CRK: variants seen among roughly 807,000 people sequenced by gnomAD.
CRK encodes the protein adapter molecule crk.
Under a neutral mutation model 29.8 loss-of-function variants are expected in CRK, and 4 were observed. The ratio of observed to expected loss-of-function variants is 0.13; its 90% CI spans 0.07 to 0.31. CRK has a LOEUF of 0.31. Among genes scored for constraint, CRK ranks in the 10% least tolerant of loss-of-function variants. The pLI, the probability that CRK is intolerant of heterozygous loss-of-function variation, is 1.00. For missense variants in CRK, 274 were observed against 396.5 expected (o/e 0.69, Z 2.62); for synonymous variants, 153 against 164.9 (o/e 0.93, Z 0.55).
intron 1 of CRK, among the ~76,000 whole-genome samples, chr17:1,441,632 C>T (rs1209116665): frequency 1.3e-5 from 2 of 151,970 alleles, no homozygotes; most frequent in African/African-American, 4.8e-5. Context: ...GCTGGGACTA[C>T]AGGCCCGCGC....
intron 1 of CRK, among the ~76,000 whole-genome samples, chr17:1,450,322 C>T (rs977935942): frequency 2.0e-5 from 3 of 152,056 alleles, no homozygotes; most frequent in Non-Finnish European, 4.4e-5. Context: ...TCCTGGCTAA[C>T]ACGGTGAAAC....
Position 1,456,127 on chromosome 17 carries a change from C to T in CRK, c.-10G>A, listed in dbSNP as rs760191646. 1 of 1,516,834 alleles carries T rather than the reference C, an allele frequency of 6.6e-7. No homozygotes were observed. The highest frequency in any genetic ancestry group is 8.8e-7 in the Non-Finnish European group (1 of 1,134,614). The allele number at this position is 1,516,834 out of a possible 1,614,324, so 94.0% of individuals were successfully genotyped here. On this transcript the variant is annotated 5_prime_UTR_variant, in exon 1 of 3. Transcript: ENST00000300574. ...CGAAGTTGCCCGCCATGGCTGCCTC[C>T]GCGCCTAAACGCTGGGGTGCCGCCG...
At chr17:1,445,539 G>C (rs1029196943) in intron 1 of CRK, among the ~76,000 whole-genome samples, 1 of 152,234 alleles carries the variant, frequency 6.6e-6, no homozygotes, top group African/African-American at 2.4e-5. Context: ...GCAGAGCACG[G>C]AGGTGCTATA....
At chr17:1,426,634 GGTGA>G (rs1482567753) in intron 2 of CRK, 1 of 152,118 alleles carries the variant, frequency 6.6e-6, no homozygotes, top group Non-Finnish European at 1.5e-5. Context: ...GGGAGGTCGA[GGTGA>G]GTGAATCACG....
At chr17:1,428,436 G>A (rs1598293842) in intron 2 of CRK, among the ~76,000 whole-genome samples, 1 of 150,716 alleles carries the variant, frequency 6.6e-6, no homozygotes, top group South Asian at 2.1e-4. Flanking sequence ...ACTTCTAAGG[G>A]ATAAATGAGT....
At chr17:1,427,634 CTTTT>C in intron 2 of CRK, among the ~76,000 whole-genome samples, 2 of 151,576 alleles carry the variant, frequency 1.3e-5, no homozygotes, top group Admixed American at 1.3e-4. Context: ...TGTCTTTATT[CTTTT>C]TGTTTGTTTG....
In CRK at chr17:1,436,996, G is replaced by T; in HGVS notation, c.401C>A (p.Ala134Glu). 6.2e-7 allele frequency: 1 copy of T among 1,613,972 alleles called. No individual in the cohort carries two copies. Among genetic ancestry groups the T allele is most frequent in the African/African-American group, 1.3e-5 (1 of 74,960 alleles). The change falls in exon 2 of 3, where the codon GCG (alanine) becomes GAG (glutamate). Residue 134 changes from alanine to glutamate, a missense_variant. Coordinates refer to ENST00000300574, the MANE Select transcript of CRK (RefSeq NM_016823.4). ...GTCAAAGAGGGCTCGCACATACTCC[G>T]CCTCCTCCTGCCTGAGAATCACTCC... is the stretch of plus-strand genomic sequence containing the variant. ...GSGVILRQEE[A>E]EYVRALFDFN...
intron 1 of CRK, among the ~76,000 whole-genome samples, chr17:1,440,192 G>A (rs1030330172): frequency 6.6e-6 from 1 of 151,968 alleles, no homozygotes; most frequent in African/African-American, 2.4e-5. Flanking sequence ...CCAGCTGCTA[G>A]GGAGGCTGAG....
At chr17:1,455,212 G>C (rs560587019) in intron 1 of CRK, among the ~76,000 whole-genome samples, 2 of 152,184 alleles carry the variant, frequency 1.3e-5, no homozygotes, top group South Asian at 4.1e-4. Context: ...GCCAGGCATC[G>C]CCTTAAACTG....
intron 1 of CRK, among the ~76,000 whole-genome samples, chr17:1,438,065 C>A (rs1048198477): frequency 1.3e-5 from 2 of 152,060 alleles, no homozygotes; most frequent in South Asian, 4.1e-4. Flanking sequence ...CTGCACTGAG[C>A]TCACACATTT....
In CRK at chr17:1,455,911, C is replaced by T. The variant is rs1395872332; in HGVS notation, c.207G>A (p.Pro69=). The change falls in exon 1 of 3, where the codon CCG becomes CCA. Residue 69 remains proline, a synonymous_variant. Transcript: ENST00000300574. ...HYIINSSGPR[P]PVPPSPAQPP... is the part of the protein sequence containing the mutation. ...GCTGGGCGGGCGACGGTGGCACCGG[C>T]GGGCGCGGGCCGCTGCTGTTGATGA... is the stretch of plus-strand genomic sequence containing the variant. The T allele has an allele frequency of 6.3e-7, 1 of 1,576,244 alleles. No individual in the cohort carries two copies. The highest frequency in any genetic ancestry group is 1.4e-5 in the African/African-American group (1 of 72,036).
chr17:1,455,831 G>C (rs1462262073), intron 1 of CRK, 46 bp downstream of exon 1: 69 of 1,452,816 alleles, frequency 4.7e-5, no homozygotes, highest in Non-Finnish European at 6.1e-5. Context: ...TGGGAGTTCC[G>C]CGGCCCTCAC....
intron 1 of CRK, among the ~76,000 whole-genome samples, chr17:1,452,700 G>T (rs956057490): frequency 6.6e-6 from 1 of 151,434 alleles, no homozygotes; most frequent in Non-Finnish European, 1.5e-5. Context: ...TGAGGCAGGA[G>T]AATTGATTAA....
At chr17:1,442,437 C>T (rs1408943399) in intron 1 of CRK, among the ~76,000 whole-genome samples, 2 of 151,846 alleles carry the variant, frequency 1.3e-5, no homozygotes, top group Non-Finnish European at 2.9e-5. Flanking sequence ...CAGATGTGCA[C>T]CACTGCAGTA....
At chr17:1,440,418 G>A (rs890482391) in intron 1 of CRK, among the ~76,000 whole-genome samples, 2 of 151,778 alleles carry the variant, frequency 1.3e-5, no homozygotes, top group South Asian at 2.1e-4. Context: ...AGCCATGATC[G>A]TGTCAACGCA....
chr17:1,451,781 C>T (rs1413201491), intron 1 of CRK, among the ~76,000 whole-genome samples: 3 of 151,750 alleles, frequency 2.0e-5, no homozygotes, highest in East Asian at 1.9e-4. Flanking sequence ...GAGTTCGAGA[C>T]CAGCCTGGCC....
At chr17:1,450,488 G>A (rs1017622530) in intron 1 of CRK, among the ~76,000 whole-genome samples, 2 of 150,508 alleles carry the variant, frequency 1.3e-5, no homozygotes, top group African/African-American at 4.9e-5. Flanking sequence ...GCCCGGCGTG[G>A]GCGACAGAGC....
At chr17:1,428,268 G>A (rs909055678) in intron 2 of CRK, among the ~76,000 whole-genome samples, 10 of 151,238 alleles carry the variant, frequency 6.6e-5, no homozygotes, top group South Asian at 2.1e-4. Flanking sequence ...ACAGGCGCCC[G>A]CCACCACGCC....
chr17:1,428,094 T>C (rs1461403362), intron 2 of CRK, among the ~76,000 whole-genome samples: 1 of 150,638 alleles, frequency 6.6e-6, no homozygotes, highest in African/African-American at 2.4e-5. Flanking sequence ...CCTGCTAATG[T>C]GCCTCCAGAT....
Sources: gnomAD v4.1 joint callset for allele counts (sites outside exome capture counted in the v4.1 genomes callset) on GRCh38, gnomAD v4.1.1 for gene constraint, MANE v1.5 for transcripts, NCBI Gene and HGNC (gene_info 2026-07-23, HGNC 2026-07-21) for gene names.